The following PPP1R16B variants were observed in gnomAD, a reference collection of about 807,000 sequenced individuals.
PPP1R16B encodes protein phosphatase 1 regulatory subunit 16B.
A neutral mutation model predicts 61.7 loss-of-function variants in PPP1R16B; 14 were observed. The ratio of observed to expected loss-of-function variants is 0.23; its 90% CI spans 0.15 to 0.35. The LOEUF is 0.35. Among genes scored for constraint, PPP1R16B ranks in the 10% least tolerant of loss-of-function variants. The probability of loss-of-function intolerance (pLI) is 1.00; values close to 1 mark genes in which losing one functional copy is unlikely to be tolerated. For missense variants in PPP1R16B, 547 were observed against 752.5 expected (o/e 0.73, Z 3.19); for synonymous variants, 266 against 305.3 (o/e 0.87, Z 1.34).
chr20:38,862,419 C>T lies in PPP1R16B; in HGVS notation c.250+26244C>T, dbSNP rs138853395. Among the ~76,000 whole-genome samples, 538 of 152,268 alleles carry T rather than the reference C, an allele frequency of 3.5e-3. 2 individuals carry two copies. Among genetic ancestry groups the T allele is most frequent in the Admixed American group, 5.8e-3 (89 of 15,284 alleles). On this transcript the variant is annotated intron_variant, in intron 2 of 10. Coordinates refer to ENST00000299824, the MANE Select transcript of PPP1R16B (RefSeq NM_015568.4). ...GAGACTTGCTCAGGTCTCACAGCTC[C>T]GAGTGCTCAAGTTGAATTTTGACTC...
At chr20:38,881,216 C>T (rs1160426662) in intron 2 of PPP1R16B, among the ~76,000 whole-genome samples, 1 of 152,350 alleles carries the variant, frequency 6.6e-6, no homozygotes, top group East Asian at 1.9e-4. Flanking sequence ...CCACCCTCAG[C>T]TCCAGGCAGC....
rs190785609 is a variant in PPP1R16B at position 38,852,808 on chromosome 20, C to G, written c.250+16633C>G. Among the ~76,000 whole-genome samples the G allele has an allele frequency of 5.0e-4, 62 of 122,872 alleles. 1 individual carries two copies. The East Asian group carries it at 0.012, about 24-fold the overall frequency. 80.6% of individuals were successfully genotyped at this position (122,872 alleles called of 152,430 possible). A position where few individuals can be genotyped will look rare whatever the true frequency, so the allele number is the denominator to read the frequency against. ...TAGCATGGGGGGATAAAGTCTTGCT[C>G]TGTTGCCCAGGCTGGAGTGCAGTGG... is the stretch of plus-strand genomic sequence containing the variant. On this transcript the variant is annotated intron_variant, in intron 2 of 10. Transcript: ENST00000299824.
intron 2 of PPP1R16B, among the ~76,000 whole-genome samples, chr20:38,850,654 T>A (rs901653816): frequency 1.3e-4 from 20 of 152,310 alleles, no homozygotes; most frequent in Admixed American, 1.2e-3. Context: ...CATAGGCCAT[T>A]ATCCAAATCC....
chr20:38,833,898 G>A (rs1349582239), intron 1 of PPP1R16B, among the ~76,000 whole-genome samples: 2 of 152,348 alleles, frequency 1.3e-5, no homozygotes, highest in East Asian at 3.9e-4. Context: ...AGCTTCTGTA[G>A]AAAGGGCTTT....
intron 2 of PPP1R16B, among the ~76,000 whole-genome samples, chr20:38,882,811 A>G (rs208798): frequency 0.82 from 124,932 of 152,184 alleles, 51,964 homozygotes; most frequent in African/African-American, 0.91. Context: ...GCTAAAACCT[A>G]AAGGATGAAG....
chr20:38,899,909 G>C (rs1200870631), intron 4 of PPP1R16B, among the ~76,000 whole-genome samples: 3 of 151,884 alleles, frequency 2.0e-5, no homozygotes, highest in Admixed American at 2.0e-4. Flanking sequence ...CAATTCTCAT[G>C]CCTCAGCCTC....
In PPP1R16B at chr20:38,907,708, T is replaced by C; in HGVS notation, c.899-98T>C. The C allele has an allele frequency of 6.8e-7, 1 of 1,464,592 alleles. No homozygotes were observed. The highest frequency in any genetic ancestry group is 9.3e-7 in the Non-Finnish European group (1 of 1,072,338). 90.7% of individuals were successfully genotyped at this position (1,464,592 alleles called of 1,614,324 possible). Reference sequence around the variant, plus strand: ...CATGCCCTGAAAGATGCTTGGAGTTTTCAGTGGGTTGGGGTGGCAGCTCCT... The same window carrying C: ...CATGCCCTGAAAGATGCTTGGAGTTCTCAGTGGGTTGGGGTGGCAGCTCCT... On this transcript the variant is annotated intron_variant, in intron 8 of 10. Transcript: ENST00000299824. The surrounding 1 kb of genome is among the most constrained non-coding windows in gnomAD (Gnocchi z 4.5).
rs2085576526 is a variant in PPP1R16B at position 38,919,737 on chromosome 20, C to T, written c.*1071C>T. 6.6e-6 allele frequency: 1 copy of T among 152,166 alleles called. No individual in the cohort carries two copies. Among genetic ancestry groups the T allele is most frequent in the Non-Finnish European group, 1.5e-5 (1 of 68,032 alleles). 9.4% of individuals were successfully genotyped at this position (152,166 alleles called of 1,614,324 possible). ...AGTTAACAGCGACAGAGCCCAGCAC[C>T]CTGGGGTCTTTGTGAATATCCAGAC... On this transcript the variant is annotated 3_prime_UTR_variant, in exon 11 of 11. Coordinates refer to ENST00000299824, the MANE Select transcript of PPP1R16B (RefSeq NM_015568.4).
chr20:38,874,097 G>C (rs2085149705), intron 2 of PPP1R16B, among the ~76,000 whole-genome samples: 1 of 152,204 alleles, frequency 6.6e-6, no homozygotes, highest in Non-Finnish European at 1.5e-5. Context: ...CATTAGCCCT[G>C]TTCACTGGGG....
At chr20:38,873,743 G>T (rs117358122) in intron 2 of PPP1R16B, among the ~76,000 whole-genome samples, 145 of 140,744 alleles carry the variant, frequency 1.0e-3, no homozygotes, top group Middle Eastern at 3.7e-3. Context: ...TCTTTTTTTT[G>T]TTTTTTTTTT....
intron 3 of PPP1R16B, among the ~76,000 whole-genome samples, chr20:38,893,852 T>A (rs892716946): frequency 6.6e-6 from 1 of 152,080 alleles, no homozygotes; most frequent in Admixed American, 6.5e-5. Flanking sequence ...CCCCTATGTT[T>A]CCTGCGGTCT....
chr20:38,809,020 G>A (rs183841463), intron 1 of PPP1R16B, among the ~76,000 whole-genome samples: 1 of 146,974 alleles, frequency 6.8e-6, no homozygotes, highest in African/African-American at 2.5e-5. Flanking sequence ...GTGACAGAGC[G>A]AGACTCCATC....
chr20:38,866,927 T>C (rs2085094360), intron 2 of PPP1R16B, among the ~76,000 whole-genome samples: 1 of 152,228 alleles, frequency 6.6e-6, no homozygotes, highest in Non-Finnish European at 1.5e-5. Flanking sequence ...CCCAGTTTCC[T>C]CTTCCCCCTA....
At chr20:38,825,833 TG>T (rs1211531038) in intron 1 of PPP1R16B, among the ~76,000 whole-genome samples, 1 of 152,228 alleles carries the variant, frequency 6.6e-6, no homozygotes, top group Non-Finnish European at 1.5e-5. Context: ...AGGCAACTAC[TG>T]GATGATGTAG....
chr20:38,895,492 C>G, intron 3 of PPP1R16B, 73 bp from the exon 4 acceptor site: 7 of 1,502,412 alleles, frequency 4.7e-6, no homozygotes, highest in South Asian at 1.2e-5. Context: ...TGCGGGGAAC[C>G]TGGTGTGTCC....
chr20:38,813,945 C>T (rs1220995835), intron 1 of PPP1R16B, among the ~76,000 whole-genome samples: 3 of 151,944 alleles, frequency 2.0e-5, no homozygotes, highest in African/African-American at 7.3e-5. Context: ...TACAGGCACC[C>T]GCCACCACTC....
At chr20:38,826,856 T>A (rs1016216186) in intron 1 of PPP1R16B, among the ~76,000 whole-genome samples, 1 of 152,260 alleles carries the variant, frequency 6.6e-6, no homozygotes, top group African/African-American at 2.4e-5. Context: ...GGCTGGACTT[T>A]GTTGAATTAT....
intron 1 of PPP1R16B, among the ~76,000 whole-genome samples, chr20:38,824,150 G>A (rs760714518): frequency 6.6e-6 from 1 of 152,180 alleles, no homozygotes; most frequent in Non-Finnish European, 1.5e-5. Context: ...TCCCAGAAAG[G>A]TTACATGCAA....
At chr20:38,896,469 CTG>C (rs1375948350) in intron 4 of PPP1R16B, among the ~76,000 whole-genome samples, 1 of 151,828 alleles carries the variant, frequency 6.6e-6, no homozygotes, top group East Asian at 1.9e-4. Context: ...CTCCCCATCT[CTG>C]TGTGCCTGTT....
Sources: gnomAD v4.1 joint callset for allele counts (sites outside exome capture counted in the v4.1 genomes callset) on GRCh38, gnomAD v4.1.1 for gene constraint, Gnocchi (gnomAD v3.1) non-coding constraint, MANE v1.5 for transcripts, NCBI Gene and HGNC (gene_info 2026-07-23, HGNC 2026-07-21) for gene names.